The following LRP1 variants were observed in gnomAD, a reference collection of about 807,000 sequenced individuals.
The protein encoded by LRP1 is prolow-density lipoprotein receptor-related protein 1.
LRP1 carries 51 observed loss-of-function variants against 541.5 expected under a neutral mutation model. That is an observed-to-expected ratio of 0.09 (90% CI 0.08 to 0.12). The LOEUF (loss-of-function observed/expected upper bound fraction) is 0.12. Ranked by LOEUF, LRP1 falls within the 10% of genes least tolerant of loss-of-function variation. The pLI, the probability that LRP1 is intolerant of heterozygous loss-of-function variation, is 1.00. For synonymous variants in LRP1, 2,219 were observed against 2,470.8 expected, an observed-to-expected ratio of 0.90 and a Z score of 3.02; for missense variants, 3,878 against 6,376.2, an observed-to-expected ratio of 0.61 and a Z score of 13.34.
chr12:57,128,874 AG>A lies in LRP1; in HGVS notation c.-89del. On this transcript the variant is annotated 5_prime_UTR_variant, in exon 1 of 89. Transcript: ENST00000243077. ...AACAGAGAAGGAGGAGGGGGAAAGG[AG>A]GAAAAGGGGGACCCCCCAACTGGGG... is the stretch of plus-strand genomic sequence containing the variant. The A allele has an allele frequency of 9.1e-7, 1 of 1,099,176 alleles. No homozygotes were observed. The highest frequency in any genetic ancestry group is 1.5e-5 in the South Asian group (1 of 66,482). The allele number at this position is 1,099,176 out of a possible 1,614,324, so 68.1% of individuals were successfully genotyped here.
chr12:57,195,484 G>C, intron 52 of LRP1, 85 bp downstream of exon 52: 2 of 1,582,800 alleles, frequency 1.3e-6, no homozygotes, highest in Non-Finnish European at 1.7e-6. Context: ...GTGCAGGAGA[G>C]GAAATGCCTC....
At chr12:57,200,672 C>A in intron 63 of LRP1, 27 bp from the exon 64 acceptor site, 1 of 1,602,464 alleles carries the variant, frequency 6.2e-7, no homozygotes, top group Non-Finnish European at 8.5e-7. Flanking sequence ...CCCAGCCGCT[C>A]TGACTCTGAG....
At chr12:57,160,382 A>G (rs2035703984) in intron 12 of LRP1, among the ~76,000 whole-genome samples, 1 of 152,034 alleles carries the variant, frequency 6.6e-6, no homozygotes, top group Non-Finnish European at 1.5e-5. Context: ...TTTCTCAAAC[A>G]AGCACCCCGG....
intron 12 of LRP1, 43 bp downstream of exon 12, chr12:57,160,048 G>T: frequency 6.3e-7 from 1 of 1,589,766 alleles, no homozygotes; most frequent in Non-Finnish European, 8.6e-7. Flanking sequence ...CTGGGAGTGT[G>T]TGGGCCTCAG....
At position 57,165,681 on chromosome 12, in the gene LRP1, A is replaced by T; in HGVS notation, c.2531-124A>T. ...TAATTTGTTTCATGAGGAATTTTGT[A>T]CTAGAAAAAATTACTTTGTATTATT... On this transcript the variant is annotated intron_variant, in intron 15 of 88. Coordinates refer to ENST00000243077, the MANE Select transcript of LRP1 (RefSeq NM_002332.3). The surrounding 1 kb of genome is among the most constrained non-coding windows in gnomAD (Gnocchi z 4.5). 1 of 915,764 alleles carries T rather than the reference A, an allele frequency of 1.1e-6. No individual in the cohort carries two copies. The highest frequency in any genetic ancestry group is 1.6e-6 in the Non-Finnish European group (1 of 611,336). The allele number at this position is 915,764 out of a possible 1,614,324, so 56.7% of individuals were successfully genotyped here.
At chr12:57,140,244 C>A (rs934856306) in intron 2 of LRP1, among the ~76,000 whole-genome samples, 3 of 151,902 alleles carry the variant, frequency 2.0e-5, no homozygotes, top group African/African-American at 7.3e-5. Context: ...CTGGCCAGAC[C>A]ACAACCTTTG....
In LRP1 at chr12:57,197,663, A is replaced by G. The variant is rs1297491404; in HGVS notation, c.9281A>G (p.Gln3094Arg). 4 of 1,613,018 alleles carry G rather than the reference A, an allele frequency of 2.5e-6. No individual in the cohort carries two copies. The African/African-American group carries it at 5.3e-5, about 22-fold the overall frequency. The change falls in exon 58 of 89, where the codon CAG becomes CGG. Residue 3094 changes from glutamine to arginine, a missense_variant and splice_region_variant. Gln to Arg is a conservative substitution (Grantham distance 43). Coordinates refer to ENST00000243077, the MANE Select transcript of LRP1 (RefSeq NM_002332.3). The surrounding 1 kb of genome is among the most constrained non-coding windows in gnomAD (Gnocchi z 4.5). The stretch of plus-strand genomic sequence containing the variant: ...ATGCACCTTAACGGGAGCAATGTGC[A>G]GGTGAGGCGGGCGGCCCTCGGCGAC... Reference protein sequence around the residue: ...RRMHLNGSNVQVLHRTGLSNP... With the variant: ...RRMHLNGSNVRVLHRTGLSNP...
In LRP1 at chr12:57,195,091, T is replaced by G. The variant is rs1217368503; in HGVS notation, c.8298T>G (p.Ala2766=). Residue 2766 remains alanine, a synonymous_variant, in exon 51 of 89, where the codon GCT becomes GCG. Coordinates refer to ENST00000243077, the MANE Select transcript of LRP1 (RefSeq NM_002332.3). ...ACTGTGGGGATGGCTCAGACGAGGC[T>G]GCTCACTGTGGTAAGGAAGCTGGGA... ...SDDCGDGSDE[A]AHCEGKTCGP... 6.2e-7 allele frequency: 1 copy of G among 1,613,314 alleles called. No individual in the cohort carries two copies. The highest frequency in any genetic ancestry group is 8.5e-7 in the Non-Finnish European group (1 of 1,179,438).
Position 57,186,256 on chromosome 12 carries a change from A to G in LRP1, c.6841+348A>G, listed in dbSNP as rs1420630063. ...CAGTTTCCTGCTCTTGCCAAGCCTG[A>G]GCCTTCTCATCTGCGTGGATGAGTG... On this transcript the variant is annotated intron_variant, in intron 41 of 88. Transcript: ENST00000243077. 2.0e-5 allele frequency among the ~76,000 whole-genome samples: 3 copies of G among 152,256 alleles called. No homozygotes were observed. The East Asian group carries it at 5.8e-4, about 29-fold the overall frequency.
In LRP1 at chr12:57,145,455, A is replaced by G. The variant is rs747824674; in HGVS notation, c.806A>G (p.Asp269Gly). 1.2e-6 allele frequency: 2 copies of G among 1,614,020 alleles called. No individual in the cohort carries two copies. Residue 269 changes from aspartate to glycine, a missense_variant, in exon 6 of 89, where the codon GAT becomes GGT. Coordinates refer to ENST00000243077, the MANE Select transcript of LRP1 (RefSeq NM_002332.3). ...ARMPGLKGFV[D>G]EHTINISLSL... is the part of the protein sequence containing the mutation. ...ATGCCTGGCCTAAAGGGCTTCGTGG[A>G]TGAGCACACCATCAACATCTCCCTC... is the stretch of plus-strand genomic sequence containing the variant.
rs920061072 is a variant in LRP1 at position 57,154,919 on chromosome 12, T to G, written c.1227+218T>G. The G allele has an allele frequency of 1.8e-5, 11 of 606,100 alleles. No homozygotes were observed. Among genetic ancestry groups the G allele is most frequent in the Admixed American group, 2.9e-5 (1 of 34,822 alleles). 37.5% of individuals were successfully genotyped at this position (606,100 alleles called of 1,614,324 possible). The stretch of plus-strand genomic sequence containing the variant: ...GGAACAGTCATTTTAGAAACACCAC[T>G]TCTGTTTACTTCCTGTTTCTCATTT... On this transcript the variant is annotated intron_variant, in intron 8 of 88. Transcript: ENST00000243077. This position sits in a 1 kb window ranked among gnomAD's most constrained non-coding sequence, Gnocchi z 4.6.
At chr12:57,191,538 T>C (rs778565795) in intron 44 of LRP1, 26 bp downstream of exon 44, 5 of 1,560,586 alleles carry the variant, frequency 3.2e-6, no homozygotes, top group Non-Finnish European at 3.5e-6. Context: ...GCCAGCTGCC[T>C]CACCCTCCTG....
rs1162048563 is a variant in LRP1, at chr12:57,204,630, G to T, written c.11075G>T (p.Arg3692Leu). 2 of 1,613,704 alleles carry T rather than the reference G, an allele frequency of 1.2e-6. No individual in the cohort carries two copies. The highest frequency in any genetic ancestry group is 2.7e-5 in the African/African-American group (2 of 74,910). Residue 3692 changes from arginine to leucine, a missense_variant, in exon 72 of 89, where the codon CGG becomes CTG. Arg to Leu is a moderately radical substitution (Grantham distance 102). Coordinates refer to ENST00000243077, the MANE Select transcript of LRP1 (RefSeq NM_002332.3). The surrounding 1 kb of genome is among the most constrained non-coding windows in gnomAD (Gnocchi z 5.3). ...TGTGTCCCCCTGGCTGCTGCAGCCCGGTTCGTGTGCCCTCCCAACCGGCCC... is the reference window on the plus strand; with the variant it reads ...TGTGTCCCCCTGGCTGCTGCAGCCCTGTTCGTGTGCCCTCCCAACCGGCCC... ...NSDENPEECARFVCPPNRPFR... is the reference protein window; with the variant it reads ...NSDENPEECALFVCPPNRPFR...
chr12:57,177,774 G>A lies in LRP1; in HGVS notation c.4361+183G>A, dbSNP rs2036078182. ...TGGGGAGGCCAGGGCCGAGGGGAGGGGGCAGGTAGAGGAGGCGGAAGCAGG... is the reference window on the plus strand; with the variant it reads ...TGGGGAGGCCAGGGCCGAGGGGAGGAGGCAGGTAGAGGAGGCGGAAGCAGG... On this transcript the variant is annotated intron_variant, in intron 26 of 88. Coordinates refer to ENST00000243077, the MANE Select transcript of LRP1 (RefSeq NM_002332.3). The surrounding 1 kb of genome is among the most constrained non-coding windows in gnomAD (Gnocchi z 6.8). 6.6e-6 allele frequency among the ~76,000 whole-genome samples: 1 copy of A among 152,068 alleles called. No individual in the cohort carries two copies. Among genetic ancestry groups the A allele is most frequent in the South Asian group, 2.1e-4 (1 of 4,832 alleles).
chr12:57,173,359 G>A lies in LRP1; in HGVS notation c.3346+9G>A. ...TGGCTGCAAGGACTCAGGTGAAGAG[G>A]ATGGTTGGAGGGCGTCTGGAACAGC... On this transcript the variant is annotated intron_variant, in intron 21 of 88. Coordinates refer to ENST00000243077, the MANE Select transcript of LRP1 (RefSeq NM_002332.3). The surrounding 1 kb of genome is among the most constrained non-coding windows in gnomAD (Gnocchi z 4.7). 1 of 1,611,416 alleles carries A rather than the reference G, an allele frequency of 6.2e-7. No individual in the cohort carries two copies. The highest frequency in any genetic ancestry group is 1.1e-5 in the South Asian group (1 of 90,938).
At chr12:57,130,315 C>T (rs983817826) in intron 1 of LRP1, among the ~76,000 whole-genome samples, 5 of 152,164 alleles carry the variant, frequency 3.3e-5, no homozygotes, top group African/African-American at 9.7e-5. Context: ...CTCTCCCTAA[C>T]TTGCTTCAAT....
chr12:57,180,265 C>T, intron 31 of LRP1, 65 bp from the exon 32 acceptor site: 2 of 1,597,812 alleles, frequency 1.3e-6, no homozygotes, highest in Non-Finnish European at 1.7e-6. Context: ...TTCTCACCAT[C>T]TGCTCCCTTC....
In LRP1 at chr12:57,204,930, C is replaced by T. The variant is rs1381015031; in HGVS notation, c.11195-179C>T. On this transcript the variant is annotated intron_variant, in intron 72 of 88. Coordinates refer to ENST00000243077, the MANE Select transcript of LRP1 (RefSeq NM_002332.3). The surrounding 1 kb of genome is among the most constrained non-coding windows in gnomAD (Gnocchi z 5.3). ...AGGAAAGAGAAGCCCCTGGGGAAGGCTCTGGGGGCTGCCTGATGCCTTAGG... is the reference window on the plus strand; with the variant it reads ...AGGAAAGAGAAGCCCCTGGGGAAGGTTCTGGGGGCTGCCTGATGCCTTAGG... 7.6e-7 allele frequency: 1 copy of T among 1,322,218 alleles called. No homozygotes were observed. The highest frequency in any genetic ancestry group is 1.0e-6 in the Non-Finnish European group (1 of 971,864). 81.9% of individuals were successfully genotyped at this position (1,322,218 alleles called of 1,614,324 possible).
intron 6 of LRP1, chr12:57,149,550 A>G (rs2035484930): frequency 4.5e-6 from 3 of 666,548 alleles, no homozygotes; most frequent in African/African-American, 1.8e-5. Context: ...ATTTCTCAAT[A>G]GAGGGAAGAC....
Sources: gnomAD v4.1 joint callset for allele counts (sites outside exome capture counted in the v4.1 genomes callset) on GRCh38, gnomAD v4.1.1 for gene constraint, Gnocchi (gnomAD v3.1) non-coding constraint, MANE v1.5 for transcripts, NCBI Gene and HGNC (gene_info 2026-07-23, HGNC 2026-07-21) for gene names.